The following MFSD8 variants were observed in gnomAD, a reference collection of about 807,000 sequenced individuals.
MFSD8 encodes the protein major facilitator superfamily domain-containing protein 8.
In MFSD8, 55 loss-of-function variants were observed where a neutral mutation model predicts 66.4. The observed-to-expected ratio is 0.83, with a 90% CI of 0.67 to 1.04. The LOEUF is 1.04. MFSD8 is among the 50% of genes least tolerant of loss of function. The pLI, the probability that MFSD8 is intolerant of heterozygous loss-of-function variation, is 0.00. For synonymous variants in MFSD8, 202 were observed against 212.8 expected, an observed-to-expected ratio of 0.95 and a Z score of 0.44; for missense variants, 550 against 627.6, an observed-to-expected ratio of 0.88 and a Z score of 1.32.
intron 3 of MFSD8, among the ~76,000 whole-genome samples, chr4:127,944,736 G>A (rs925220101): frequency 6.6e-6 from 1 of 151,936 alleles, no homozygotes; most frequent in Non-Finnish European, 1.5e-5. Flanking sequence ...TCACGGCTCA[G>A]TGCAGCCTCG....
intron 6 of MFSD8, chr4:127,939,630 A>C (rs936796182): frequency 1.1e-4 from 34 of 300,740 alleles, no homozygotes; most frequent in East Asian, 4.2e-4. Flanking sequence ...AAAAAAAAAA[A>C]AACTTTGAAT....
intron 1 of MFSD8, among the ~76,000 whole-genome samples, chr4:127,962,146 G>T (rs959261632): frequency 6.6e-6 from 1 of 152,142 alleles, no homozygotes; most frequent in African/African-American, 2.4e-5. Context: ...AAAAGCAGAC[G>T]TAAGTACTTA....
At chr4:127,954,835 C>T (rs1056790444) in intron 2 of MFSD8, among the ~76,000 whole-genome samples, 1 of 152,158 alleles carries the variant, frequency 6.6e-6, no homozygotes, top group African/African-American at 2.4e-5. Context: ...TGGTCTTGAA[C>T]AAACACTTCT....
chr4:127,939,665 C>A, intron 6 of MFSD8, 188 bp downstream of exon 6: 1 of 246,588 alleles, frequency 4.1e-6, no homozygotes, highest in Non-Finnish European at 7.6e-6. Context: ...CTTTTCTGTT[C>A]TCATTTATCA....
chr4:127,949,893 C>A, intron 2 of MFSD8, 46 bp from the exon 3 acceptor site: 3 of 1,500,032 alleles, frequency 2.0e-6, no homozygotes, highest in South Asian at 1.2e-5. Context: ...ATAATTTAAT[C>A]ATTATTACAG....
chr4:127,963,370 T>G (rs948459803), intron 1 of MFSD8, among the ~76,000 whole-genome samples: 1 of 152,190 alleles, frequency 6.6e-6, no homozygotes, highest in African/African-American at 2.4e-5. Flanking sequence ...AGATACAGAA[T>G]GTGGTGGCTT....
At chr4:127,956,062 T>C (rs370628547) in intron 2 of MFSD8, among the ~76,000 whole-genome samples, 2 of 151,164 alleles carry the variant, frequency 1.3e-5, no homozygotes, top group East Asian at 3.9e-4. Flanking sequence ...GAGGTTGCAG[T>C]AAGCCGAGAT....
chr4:127,923,687 C>T (rs1474753291), intron 9 of MFSD8, among the ~76,000 whole-genome samples: 2 of 151,492 alleles, frequency 1.3e-5, no homozygotes, highest in Non-Finnish European at 2.9e-5. Context: ...TCATGCCATT[C>T]TCCTGCCTCA....
rs921179024 is a variant in MFSD8, at chr4:127,917,956, T to C, written c.*2674A>G. On this transcript the variant is annotated 3_prime_UTR_variant, in exon 12 of 12. Transcript: ENST00000641686. Reference sequence around the variant, plus strand: ...CTATTCTTAAACAGATGCAGGTAAGTAGTTTATCCTTGTCAAAACAAAAAA... The same window carrying C: ...CTATTCTTAAACAGATGCAGGTAAGCAGTTTATCCTTGTCAAAACAAAAAA... The C allele has an allele frequency of 2.6e-4, 40 of 152,234 alleles. No homozygotes were observed. The highest frequency in any genetic ancestry group is 8.9e-4 in the African/African-American group (37 of 41,462). The allele number at this position is 152,234 out of a possible 1,614,324, so 9.4% of individuals were successfully genotyped here.
Position 127,943,789 on chromosome 4 carries a change from G to A in MFSD8, c.402C>T (p.Tyr134=). The A allele has an allele frequency of 6.2e-7, 1 of 1,614,150 alleles. No homozygotes were observed. Among genetic ancestry groups the A allele is most frequent in the Non-Finnish European group, 8.5e-7 (1 of 1,180,030 alleles). ...CCAACAATCCACGAGCAACCAGCAT[G>A]TAGTATTTATTATGAGAAGCTGGGA... The part of the protein sequence containing the change: ...LHIPASHNKY[Y]MLVARGLLGI... Residue 134 remains tyrosine (Y), a synonymous_variant, in exon 4 of 12, where the codon TAC becomes TAT. Transcript: ENST00000641686.
chr4:127,965,686 G>A, upstream of MFSD8: 1 of 174,334 alleles, frequency 5.7e-6, no homozygotes, highest in Non-Finnish European at 1.3e-5. Context: ...GCGCCTGGAG[G>A]CAGGGACCGG....
At chr4:127,957,631 C>A in intron 1 of MFSD8, 39 bp from the exon 2 acceptor site, 1 of 1,358,724 alleles carries the variant, frequency 7.4e-7, no homozygotes, top group South Asian at 1.2e-5. Flanking sequence ...AAATTTATCT[C>A]ATTACATGTG....
chr4:127,961,160 G>C (rs561337645), intron 1 of MFSD8, among the ~76,000 whole-genome samples: 5 of 152,268 alleles, frequency 3.3e-5, no homozygotes, highest in African/African-American at 1.2e-4. Flanking sequence ...TGGTGACCTA[G>C]ACATGTTTGT....
At position 127,965,034 on chromosome 4, in the gene MFSD8, C is replaced by T. The variant is rs764380479; in HGVS notation, c.62+38G>A. On this transcript the variant is annotated intron_variant, in intron 1 of 11. Coordinates refer to ENST00000641686, the MANE Select transcript of MFSD8 (RefSeq NM_001371596.2). ...CGGAAAGGAACCAGTCCCAACAGCG[C>T]AGGAGACTGAGGGGTCCCTCCACCA... is the stretch of plus-strand genomic sequence containing the variant. 1.5e-5 allele frequency: 24 copies of T among 1,607,754 alleles called. No homozygotes were observed. In the African/African-American group the frequency reaches 2.5e-4, roughly 17 times the overall value.
Position 127,942,136 on chromosome 4 carries a change from T to C in MFSD8, c.462A>G (p.Ser154=), listed in dbSNP as rs2148915757. 6.2e-7 allele frequency: 1 copy of C among 1,613,470 alleles called. No homozygotes were observed. Among genetic ancestry groups the C allele is most frequent in the Non-Finnish European group, 8.5e-7 (1 of 1,179,464 alleles). ...GAAGGGAAGTAGCACCAGCAGTATA[T>C]GATCTAACAACTGCTACATTTCCTT... ...IGAGNVAVVR[S]YTAGATSLQE... The change falls in exon 5 of 12, where the codon TCA becomes TCG. Residue 154 remains serine (S), a synonymous_variant. Transcript: ENST00000641686.
chr4:127,928,525 A>G (rs1037774569), intron 9 of MFSD8, among the ~76,000 whole-genome samples: 25 of 152,222 alleles, frequency 1.6e-4, no homozygotes, highest in African/African-American at 6.0e-4. Flanking sequence ...GAGAAATGCA[A>G]GTCAAAACCA....
chr4:127,928,935 C>T (rs1001293395), intron 9 of MFSD8, among the ~76,000 whole-genome samples: 1 of 151,982 alleles, frequency 6.6e-6, no homozygotes, highest in African/African-American at 2.4e-5. Flanking sequence ...TTTGGGGTAA[C>T]ATAGATGGAA....
At chr4:127,954,510 G>A (rs1215864810) in intron 2 of MFSD8, among the ~76,000 whole-genome samples, 1 of 152,158 alleles carries the variant, frequency 6.6e-6, no homozygotes, top group Non-Finnish European at 1.5e-5. Context: ...CAGCTACCAG[G>A]GAGGCTGAGG....
At chr4:127,933,196 C>A in intron 7 of MFSD8, 103 bp from the exon 8 acceptor site, 1 of 951,578 alleles carries the variant, frequency 1.1e-6, no homozygotes, top group South Asian at 1.5e-5. Flanking sequence ...TATAAATAAA[C>A]ATTTAAAAAA....
Sources: allele counts gnomAD v4.1 joint callset (sites outside exome capture counted in the v4.1 genomes callset), GRCh38; gene constraint gnomAD v4.1.1; transcripts MANE v1.5; gene names NCBI Gene and HGNC (gene_info 2026-07-23, HGNC 2026-07-21).